PLCL1: variants seen among roughly 807,000 people sequenced by gnomAD.
PLCL1 encodes inactive phospholipase C-like protein 1.
PLCL1 carries 41 observed loss-of-function variants against 84.4 expected under a neutral mutation model. That is an observed-to-expected ratio of 0.49 (90% CI 0.38 to 0.63). PLCL1 has a LOEUF of 0.63. Ranked by LOEUF, PLCL1 falls within the 30% of genes least tolerant of loss-of-function variation. The probability of loss-of-function intolerance (pLI) is 0.00; values close to 1 mark genes in which losing one functional copy is unlikely to be tolerated. For missense variants in PLCL1, 1,206 were observed against 1,367.8 expected (o/e 0.88, Z 1.87); for synonymous variants, 490 against 488.3 (o/e 1.00, Z -0.05).
intron 1 of PLCL1, among the ~76,000 whole-genome samples, chr2:197,897,098 CCTTCTTCTTCTT>C (rs1156287674): frequency 6.3e-4 from 74 of 117,872 alleles, no homozygotes; most frequent in East Asian, 1.5e-3. Context: ...AAGTATGACT[CCTTCTTCTTCTT>C]CTTCTTCTTC....
At chr2:197,853,730 T>G (rs1002636524) in intron 1 of PLCL1, among the ~76,000 whole-genome samples, 5 of 152,084 alleles carry the variant, frequency 3.3e-5, no homozygotes, top group African/African-American at 4.8e-5. Context: ...AGGGCTGCCT[T>G]CTCTAGGAAG....
chr2:198,129,108 C>A (rs984060736), intron 5 of PLCL1, among the ~76,000 whole-genome samples: 5 of 152,112 alleles, frequency 3.3e-5, no homozygotes, highest in African/African-American at 9.7e-5. Context: ...GTATTTTACC[C>A]CAAAATATAT....
chr2:197,820,492 A>T (rs989752932), intron 1 of PLCL1, among the ~76,000 whole-genome samples: 3 of 152,108 alleles, frequency 2.0e-5, no homozygotes, highest in Non-Finnish European at 4.4e-5. Context: ...ATAAGCTCAC[A>T]TCATAGGGAA....
At chr2:198,066,725 G>A (rs2105881654) in intron 1 of PLCL1, among the ~76,000 whole-genome samples, 1 of 152,042 alleles carries the variant, frequency 6.6e-6, no homozygotes, top group African/African-American at 2.4e-5. Context: ...CCTCTCCTAT[G>A]CATTTGCTGT....
chr2:197,923,678 G>A (rs1168729824), intron 1 of PLCL1, among the ~76,000 whole-genome samples: 1 of 149,968 alleles, frequency 6.7e-6, no homozygotes, highest in African/African-American at 2.5e-5. Context: ...TCCAGACTGG[G>A]CAGCCAGGCA....
chr2:198,146,845 G>T lies in PLCL1; in HGVS notation c.3171G>T (p.Leu1057=). 6.2e-7 allele frequency: 1 copy of T among 1,613,566 alleles called. No individual in the cohort carries two copies. ...TAGAAAACATGAAGCAGATCCAGCTGGCATGCCTGTCCTGTGGACTGAGTA... is the reference window on the plus strand; with the variant it reads ...TAGAAAACATGAAGCAGATCCAGCTTGCATGCCTGTCCTGTGGACTGAGTA... ...EAIENMKQIQ[L]ACLSCGLSKA... is the part of the protein sequence containing the mutation. The change falls in exon 6 of 6, where the codon CTG becomes CTT. Residue 1057 remains leucine (L), a synonymous_variant. Transcript: ENST00000428675.
At chr2:198,124,750 G>A (rs1693947281) in intron 5 of PLCL1, among the ~76,000 whole-genome samples, 1 of 152,024 alleles carries the variant, frequency 6.6e-6, no homozygotes, top group Admixed American at 6.6e-5. Context: ...TGTTCTTATG[G>A]GAGATACAGA....
chr2:197,809,597 C>G (rs1405545680), intron 1 of PLCL1, among the ~76,000 whole-genome samples: 2 of 152,164 alleles, frequency 1.3e-5, no homozygotes, highest in Non-Finnish European at 2.9e-5. Flanking sequence ...AGCAATCTGG[C>G]AGGTGTTCTG....
At chr2:197,854,516 C>CATT (rs1208896281) in intron 1 of PLCL1, among the ~76,000 whole-genome samples, 1 of 152,034 alleles carries the variant, frequency 6.6e-6, no homozygotes, top group Non-Finnish European at 1.5e-5. Flanking sequence ...TTTTATTAAG[C>CATT]ATTATAATGT....
intron 1 of PLCL1, among the ~76,000 whole-genome samples, chr2:197,912,070 A>G (rs1688493782): frequency 6.6e-6 from 1 of 152,232 alleles, no homozygotes; most frequent in African/African-American, 2.4e-5. Flanking sequence ...GGAACACTGA[A>G]TCTATATTAA....
intron 1 of PLCL1, chr2:198,002,110 A>C: frequency 8.5e-6 from 2 of 236,240 alleles, no homozygotes; most frequent in South Asian, 5.5e-5. Context: ...AACCATCTCC[A>C]CCCCCTGGTC....
intron 1 of PLCL1, among the ~76,000 whole-genome samples, chr2:198,019,937 C>A (rs183161125): frequency 2.0e-5 from 3 of 152,224 alleles, no homozygotes; most frequent in Non-Finnish European, 4.4e-5. Flanking sequence ...ACATAATCGT[C>A]AGATTTACCA....
intron 1 of PLCL1, among the ~76,000 whole-genome samples, chr2:198,050,515 G>A (rs1444024405): frequency 7.1e-6 from 1 of 141,732 alleles, no homozygotes; most frequent in Admixed American, 7.2e-5. Flanking sequence ...TATCATTTTG[G>A]GAACCTTGAG....
intron 5 of PLCL1, among the ~76,000 whole-genome samples, chr2:198,135,820 T>G (rs938948104): frequency 2.0e-5 from 3 of 152,224 alleles, no homozygotes; most frequent in Admixed American, 2.0e-4. Flanking sequence ...TTTCAGCTCA[T>G]TTTTACTTTC....
chr2:197,846,120 G>A lies in PLCL1; in HGVS notation c.240+40781G>A, dbSNP rs545950109. Among the ~76,000 whole-genome samples, 6 of 152,196 alleles carry A rather than the reference G, an allele frequency of 3.9e-5. No individual in the cohort carries two copies. The East Asian group carries it at 5.8e-4, about 15-fold the overall frequency. ...ATCTGAAAGTACTGTTCGGAACTAC[G>A]CTACTAAAATAGGCTGTATATACAC... On this transcript the variant is annotated intron_variant, in intron 1 of 5. Coordinates refer to ENST00000428675, the MANE Select transcript of PLCL1 (RefSeq NM_006226.4).
At chr2:197,993,502 T>G (rs1387202485) in intron 1 of PLCL1, among the ~76,000 whole-genome samples, 1 of 152,066 alleles carries the variant, frequency 6.6e-6, no homozygotes, top group Non-Finnish European at 1.5e-5. Context: ...GGTGAAGAGA[T>G]TATTCTCAGA....
chr2:197,928,579 T>C (rs577752286), intron 1 of PLCL1, among the ~76,000 whole-genome samples: 55 of 152,336 alleles, frequency 3.6e-4, no homozygotes, highest in African/African-American at 1.2e-3. Context: ...TTAAGCACTG[T>C]TAGGGGACTC....
At chr2:198,071,712 A>C (rs561281960) in intron 1 of PLCL1, among the ~76,000 whole-genome samples, 7 of 152,024 alleles carry the variant, frequency 4.6e-5, no homozygotes, top group African/African-American at 1.7e-4. Flanking sequence ...TTTAAAAAAT[A>C]TCAATACAGT....
chr2:197,944,352 C>G (rs1007584503), intron 1 of PLCL1, among the ~76,000 whole-genome samples: 1 of 152,132 alleles, frequency 6.6e-6, no homozygotes, highest in Non-Finnish European at 1.5e-5. Flanking sequence ...CACACAGTGT[C>G]TCTATTTTCA....
Sources: allele counts gnomAD v4.1 joint callset (sites outside exome capture counted in the v4.1 genomes callset), GRCh38; gene constraint gnomAD v4.1.1; transcripts MANE v1.5; gene names NCBI Gene and HGNC (gene_info 2026-07-23, HGNC 2026-07-21).